Variants in PALM2AKAP2 observed in about 807,000 individuals in gnomAD.
The protein encoded by PALM2AKAP2 is PALM2 and AKAP2 fusion.
In PALM2AKAP2, 37 loss-of-function variants were observed where a neutral mutation model predicts 71.5. The observed-to-expected ratio is 0.52, with a 90% CI of 0.40 to 0.68. The LOEUF is 0.68. Among genes scored for constraint, PALM2AKAP2 ranks in the 30% least tolerant of loss-of-function variants. The pLI is 0.00. For missense variants in PALM2AKAP2, 1,224 were observed against 1,191.8 expected (o/e 1.03, Z -0.40); for synonymous variants, 468 against 478.8 (o/e 0.98, Z 0.29).
chr9:109,779,554 G>A (rs1829400722), upstream of PALM2AKAP2, among the ~76,000 whole-genome samples: 2 of 152,212 alleles, frequency 1.3e-5, no homozygotes, highest in Admixed American at 1.3e-4. Flanking sequence ...CTGAGGTTCA[G>A]AGTGATTAAG....
chr9:109,922,918 T>A (rs1830868275), intron 3 of PALM2AKAP2, among the ~76,000 whole-genome samples: 1 of 152,176 alleles, frequency 6.6e-6, no homozygotes, highest in Admixed American at 6.5e-5. Context: ...AAATGGGGAT[T>A]CCCTACTCAC....
intron 7 of PALM2AKAP2, among the ~76,000 whole-genome samples, chr9:110,018,172 C>T (rs1030666713): frequency 1.3e-5 from 2 of 152,206 alleles, no homozygotes; most frequent in South Asian, 2.1e-4. Flanking sequence ...TCTCGATCTC[C>T]GTTTCTTTTT....
intron 7 of PALM2AKAP2, among the ~76,000 whole-genome samples, chr9:110,019,591 A>G (rs944833497): frequency 3.9e-5 from 6 of 152,240 alleles, no homozygotes; most frequent in Non-Finnish European, 8.8e-5. Flanking sequence ...TGTGGCATAT[A>G]TACACCATGG....
At chr9:109,984,812 C>T (rs1832342281) in intron 6 of PALM2AKAP2, among the ~76,000 whole-genome samples, 1 of 151,182 alleles carries the variant, frequency 6.6e-6, no homozygotes, top group Non-Finnish European at 1.5e-5. Flanking sequence ...TCGAGGTTTA[C>T]AAAGCACTAT....
chr9:109,661,602 C>T (rs1011356422), intron 1 of PALM2AKAP2, among the ~76,000 whole-genome samples: 10 of 152,286 alleles, frequency 6.6e-5, no homozygotes, highest in African/African-American at 2.2e-4. Context: ...TAGCGTGATG[C>T]CTCCAGCTTT....
At chr9:110,107,240 C>T (rs1835140191) in intron 1 of PALM2AKAP2, among the ~76,000 whole-genome samples, 1 of 152,122 alleles carries the variant, frequency 6.6e-6, no homozygotes, top group Non-Finnish European at 1.5e-5. Flanking sequence ...GGAAGATGGG[C>T]ACTGAATGTT....
At chr9:109,775,542 A>G (rs1449444580), upstream of PALM2AKAP2, among the ~76,000 whole-genome samples, 1 of 152,244 alleles carries the variant, frequency 6.6e-6, no homozygotes, top group African/African-American at 2.4e-5. Flanking sequence ...CCTTCTTTTG[A>G]TTCTGTGCAG....
intron 1 of PALM2AKAP2, among the ~76,000 whole-genome samples, chr9:110,097,731 G>C (rs1422824175): frequency 6.9e-6 from 1 of 144,996 alleles, no homozygotes; most frequent in Non-Finnish European, 1.5e-5. Context: ...CGGCCAGGCA[G>C]AGACGCTCCT....
intron 1 of PALM2AKAP2, among the ~76,000 whole-genome samples, chr9:109,738,521 T>C (rs747593575): frequency 2.6e-5 from 4 of 152,236 alleles, no homozygotes; most frequent in Non-Finnish European, 2.9e-5. Flanking sequence ...AAAACGTCTA[T>C]TTCTATACAC....
At chr9:109,846,843 C>G (rs1828870790) in intron 1 of PALM2AKAP2, among the ~76,000 whole-genome samples, 1 of 152,230 alleles carries the variant, frequency 6.6e-6, no homozygotes, top group Non-Finnish European at 1.5e-5. Flanking sequence ...CCCAGCCTAA[C>G]AGCACAATGA....
chr9:110,146,408 G>A (rs943313515), intron 2 of PALM2AKAP2, among the ~76,000 whole-genome samples: 4 of 152,196 alleles, frequency 2.6e-5, no homozygotes, highest in African/African-American at 9.7e-5. Context: ...TCCTGCTGGT[G>A]CTGGGCCACC....
chr9:109,949,734 G>T (rs1831591503), intron 6 of PALM2AKAP2, among the ~76,000 whole-genome samples: 1 of 152,286 alleles, frequency 6.6e-6, no homozygotes. Flanking sequence ...AGGTAGATTA[G>T]ATAGATGGCT....
At chr9:109,992,954 T>TATATAGAG (rs779669368) in intron 6 of PALM2AKAP2, among the ~76,000 whole-genome samples, 1 of 142,674 alleles carries the variant, frequency 7.0e-6, no homozygotes, top group African/African-American at 2.6e-5. Context: ...TATATATATA[T>TATATAGAG]AGAGAGAGAG....
intron 1 of PALM2AKAP2, chr9:109,765,370 T>G (rs970741413): frequency 1.3e-5 from 2 of 152,310 alleles, no homozygotes; most frequent in African/African-American, 4.8e-5. Context: ...AGTTAAATAC[T>G]AGTAAGAAGA....
At chr9:110,066,498 A>G (rs1834082175) in intron 1 of PALM2AKAP2, among the ~76,000 whole-genome samples, 1 of 152,124 alleles carries the variant, frequency 6.6e-6, no homozygotes, top group Non-Finnish European at 1.5e-5. Flanking sequence ...GAAGTTCTAG[A>G]CCAGCCTGGG....
In PALM2AKAP2 at chr9:110,143,671, T is replaced by A. The variant is rs187874196; in HGVS notation, c.2569+5132T>A. ...ATATCCTGGTTTCACTTCCAAGTTC[T>A]AAGTATGCCAGAGAAACCCAGTTAG... On this transcript the variant is annotated intron_variant, in intron 2 of 3. Coordinates refer to ENST00000374525, the Ensembl canonical transcript of PALM2AKAP2. Among the ~76,000 whole-genome samples, 450 of 152,368 alleles carry A rather than the reference T, an allele frequency of 3.0e-3. 4 individuals are homozygous for A. The highest frequency in any genetic ancestry group is 0.01 in the African/African-American group (435 of 41,584).
chr9:110,057,460 C>T (rs1012238208), intron 1 of PALM2AKAP2, among the ~76,000 whole-genome samples: 1 of 150,888 alleles, frequency 6.6e-6, no homozygotes, highest in African/African-American at 2.4e-5. Flanking sequence ...CTCACTGCAA[C>T]CTCTGCCTCC....
chr9:110,031,408 G>A (rs1186662051), intron 7 of PALM2AKAP2, among the ~76,000 whole-genome samples: 3 of 152,178 alleles, frequency 2.0e-5, no homozygotes, highest in Non-Finnish European at 2.9e-5. Flanking sequence ...GGGATTACAG[G>A]TGTGAGCCAC....
chr9:110,164,593 C>T (rs1357412841), intron 3 of PALM2AKAP2, among the ~76,000 whole-genome samples: 3 of 146,340 alleles, frequency 2.1e-5, no homozygotes, highest in South Asian at 2.1e-4. Context: ...TACAGTGGTG[C>T]GATCTCAGCT....
Sources: allele counts gnomAD v4.1 joint callset (sites outside exome capture counted in the v4.1 genomes callset), GRCh38; gene constraint gnomAD v4.1.1; transcripts MANE v1.5; gene names NCBI Gene and HGNC (gene_info 2026-07-23, HGNC 2026-07-21).